Variants in DYM observed in about 807,000 individuals in gnomAD.
DYM encodes dymeclin, also known as dyggve-Melchior-Clausen syndrome protein.
DYM carries 78 observed loss-of-function variants against 93.1 expected under a neutral mutation model. The observed-to-expected ratio is 0.84, with a 90% CI of 0.70 to 1.01. The LOEUF (loss-of-function observed/expected upper bound fraction) is 1.01. DYM is among the 50% of genes least tolerant of loss of function. The pLI, the probability that DYM is intolerant of heterozygous loss-of-function variation, is 0.00. For synonymous variants in DYM, 321 were observed against 319.7 expected, an observed-to-expected ratio of 1.00 and a Z score of -0.04; for missense variants, 789 against 845.0, an observed-to-expected ratio of 0.93 and a Z score of 0.82.
chr18:49,318,244 A>C (rs1480465178), intron 8 of DYM, among the ~76,000 whole-genome samples: 1 of 152,236 alleles, frequency 6.6e-6, no homozygotes, highest in African/African-American at 2.4e-5. Flanking sequence ...CTATTAAGCC[A>C]AGAGCAATGA....
At chr18:49,230,644 G>T (rs2093668303) in intron 13 of DYM, among the ~76,000 whole-genome samples, 1 of 152,108 alleles carries the variant, frequency 6.6e-6, no homozygotes, top group Non-Finnish European at 1.5e-5. Flanking sequence ...CAAACAAAAG[G>T]CTTATTAGAG....
At chr18:49,360,074 C>T (rs2065889086) in intron 6 of DYM, among the ~76,000 whole-genome samples, 1 of 152,062 alleles carries the variant, frequency 6.6e-6, no homozygotes, top group Admixed American at 6.6e-5. Context: ...GCATTTTCAG[C>T]TAATTTAAAA....
In DYM at chr18:49,039,754, TCTAA is replaced by T. The variant is rs2070838523; in HGVS notation, c.*4297_*4300del. 6.6e-6 allele frequency among the ~76,000 whole-genome samples: 1 copy of T among 152,254 alleles called. No homozygotes were observed. Among genetic ancestry groups the T allele is most frequent in the South Asian group, 2.1e-4 (1 of 4,834 alleles). On this transcript the variant is annotated 3_prime_UTR_variant, in exon 18 of 18. Transcript: ENST00000675505. ...AATTTCCAATGCGCCTTTTACAGTT[TCTAA>T]CTCTCTGTTGAAATTCTTGACCATG...
At chr18:49,318,298 A>G (rs1048485457) in intron 8 of DYM, among the ~76,000 whole-genome samples, 2 of 152,234 alleles carry the variant, frequency 1.3e-5, no homozygotes, top group African/African-American at 4.8e-5. Context: ...AGACAAGAAT[A>G]GGAGACTTGA....
At position 49,282,146 on chromosome 18, in the gene DYM, G is replaced by A. The variant is rs919574081; in HGVS notation, c.976C>T (p.His326Tyr). 1.2e-6 allele frequency: 2 copies of A among 1,613,882 alleles called. No individual in the cohort carries two copies. Among genetic ancestry groups the A allele is most frequent in the Non-Finnish European group, 1.7e-6 (2 of 1,179,934 alleles). Reference sequence around the variant, plus strand: ...CTATTAAAGTTGATCTGGAAGGCATGTGGAATTGATGAGGGGAAAGGACTG... The same window carrying A: ...CTATTAAAGTTGATCTGGAAGGCATATGGAATTGATGAGGGGAAAGGACTG... The part of the protein sequence containing the change: ...DSSPFPSSIP[H>Y]AFQINFNSLY... Residue 326 changes from histidine to tyrosine, a missense_variant, in exon 10 of 18, where the codon CAT becomes TAT. His to Tyr is a moderately conservative substitution (Grantham distance 83, BLOSUM62 2). Transcript: ENST00000675505.
intron 14 of DYM, among the ~76,000 whole-genome samples, chr18:49,203,693 G>A (rs959515093): frequency 4.0e-4 from 56 of 141,406 alleles, no homozygotes; most frequent in Non-Finnish European, 7.7e-4. Context: ...CTAATCTCAA[G>A]TAATCAGGGA....
chr18:49,088,179 A>T (rs2078725151), intron 17 of DYM, among the ~76,000 whole-genome samples: 2 of 152,188 alleles, frequency 1.3e-5, no homozygotes, highest in Admixed American at 6.5e-5. Flanking sequence ...TTAGATGTGA[A>T]GTCCTTGCCC....
At chr18:49,450,681 T>A (rs1600371840) in intron 1 of DYM, among the ~76,000 whole-genome samples, 2 of 152,230 alleles carry the variant, frequency 1.3e-5, no homozygotes, top group African/African-American at 4.8e-5. Flanking sequence ...CGATGTCCAA[T>A]CTTCTTTAAG....
At chr18:49,292,390 AC>A (rs2060197225) in intron 8 of DYM, among the ~76,000 whole-genome samples, 1 of 151,092 alleles carries the variant, frequency 6.6e-6, no homozygotes, top group Non-Finnish European at 1.5e-5. Context: ...ACACACACAC[AC>A]ACACACACAC....
chr18:49,127,733 G>T (rs566561524), intron 15 of DYM, among the ~76,000 whole-genome samples: 2 of 152,196 alleles, frequency 1.3e-5, no homozygotes, highest in African/African-American at 4.8e-5. Flanking sequence ...ACACTGGAAA[G>T]CTTTGTGGCC....
chr18:49,426,755 A>ACATGTGTG (rs201910559), intron 2 of DYM, among the ~76,000 whole-genome samples: 1 of 147,694 alleles, frequency 6.8e-6, no homozygotes, highest in South Asian at 2.2e-4. Context: ...ACTGGAAAAC[A>ACATGTGTG]TGTGTGTGTG....
chr18:49,415,916 A>G (rs1336695570), intron 2 of DYM, among the ~76,000 whole-genome samples: 1 of 147,490 alleles, frequency 6.8e-6, no homozygotes, highest in Non-Finnish European at 1.5e-5. Flanking sequence ...AACAAGAGCG[A>G]AACTCTGACT....
chr18:49,313,350 T>C (rs1197243089), intron 8 of DYM, among the ~76,000 whole-genome samples: 2 of 150,194 alleles, frequency 1.3e-5, no homozygotes, highest in Non-Finnish European at 3.0e-5. Flanking sequence ...GTAATCCCAG[T>C]TACTCAGGAG....
chr18:49,150,048 C>G (rs2085646997), intron 15 of DYM, among the ~76,000 whole-genome samples: 1 of 152,126 alleles, frequency 6.6e-6, no homozygotes, highest in Non-Finnish European at 1.5e-5. Flanking sequence ...TTCACAATTG[C>G]TATTTAAAAC....
rs570608949 is a variant in DYM, at chr18:49,085,547, A to T, written c.2025+11855T>A. 1.3e-4 allele frequency among the ~76,000 whole-genome samples: 20 copies of T among 151,844 alleles called. No homozygotes were observed. The East Asian group carries it at 3.9e-3, about 29-fold the overall frequency. On this transcript the variant is annotated intron_variant, in intron 17 of 17. Transcript: ENST00000675505. ...AAGTTCCCTGAAATACTGGTCCAAC[A>T]TTTGGACAAATCTAACAGAAGAGTC...
In DYM at chr18:49,258,433, G is replaced by C; in HGVS notation, c.1312C>G (p.Leu438Val). The C allele has an allele frequency of 5.6e-6, 9 of 1,613,576 alleles. No homozygotes were observed. The highest frequency in any genetic ancestry group is 7.6e-6 in the Non-Finnish European group (9 of 1,179,518). Residue 438 changes from leucine (L) to valine (V), a missense_variant, in exon 12 of 18, where the codon CTC becomes GTC. By Grantham distance (32) the Leu-to-Val change is conservative. Transcript: ENST00000675505. The stretch of plus-strand genomic sequence containing the variant: ...GTTCTTATTACCACCAGGATCAGGA[G>C]ACTCCCCAAGGAGATTTCAGTTAAA... ...RVLTEISLGS[L>V]LILVVIRTIQ...
At chr18:49,362,696 T>C (rs1400059204) in intron 6 of DYM, among the ~76,000 whole-genome samples, 1 of 152,154 alleles carries the variant, frequency 6.6e-6, no homozygotes, top group Non-Finnish European at 1.5e-5. Context: ...GAGGTTTCAT[T>C]GGAGGACCTT....
At chr18:49,394,321 T>C (rs2069768773) in intron 2 of DYM, among the ~76,000 whole-genome samples, 2 of 152,304 alleles carry the variant, frequency 1.3e-5, no homozygotes, top group South Asian at 2.1e-4. Flanking sequence ...ATGATATCGA[T>C]AAAGCACTTA....
chr18:49,438,833 T>C (rs77381959), intron 1 of DYM, among the ~76,000 whole-genome samples: 13,910 of 152,222 alleles, frequency 0.091, 856 homozygotes, highest in East Asian at 0.31. Context: ...TGAGCCCCAA[T>C]GGCATCTCTT....
Sources: allele counts gnomAD v4.1 joint callset (sites outside exome capture counted in the v4.1 genomes callset), GRCh38; gene constraint gnomAD v4.1.1; transcripts MANE v1.5; gene names NCBI Gene and HGNC (gene_info 2026-07-23, HGNC 2026-07-21).